Variants in TCF7L2 observed in about 807,000 individuals in gnomAD.
TCF7L2 encodes the protein transcription factor 7 like 2.
A neutral mutation model predicts 77.9 loss-of-function variants in TCF7L2; 23 were observed. The ratio of observed to expected loss-of-function variants is 0.30; its 90% confidence interval spans 0.21 to 0.42. The LOEUF is 0.42. TCF7L2 is among the 10% of genes least tolerant of loss of function. The probability of loss-of-function intolerance (pLI) is 1.00; values close to 1 mark genes in which losing one functional copy is unlikely to be tolerated. For missense variants in TCF7L2, 654 were observed against 793.1 expected (o/e 0.82, Z 2.11); for synonymous variants, 413 against 340.2 (o/e 1.21, Z -2.36).
At chr10:113,112,264 G>A (rs1300705549) in intron 5 of TCF7L2, among the ~76,000 whole-genome samples, 6 of 152,232 alleles carry the variant, frequency 3.9e-5, no homozygotes, top group Admixed American at 2.0e-4. Context: ...ATGTTTACAA[G>A]GAGCTTAGGA....
At chr10:112,959,046 C>G (rs1390360049) in intron 3 of TCF7L2, among the ~76,000 whole-genome samples, 1 of 152,152 alleles carries the variant, frequency 6.6e-6, no homozygotes, top group African/African-American at 2.4e-5. Flanking sequence ...ACTTGATTCA[C>G]TTTATTTTTT....
chr10:113,124,574 A>T (rs1194438644), intron 5 of TCF7L2, among the ~76,000 whole-genome samples: 1 of 152,186 alleles, frequency 6.6e-6, no homozygotes, highest in Non-Finnish European at 1.5e-5. Context: ...CTATGTATGC[A>T]TATATGTATA....
chr10:113,116,594 T>C (rs542477856), intron 5 of TCF7L2, among the ~76,000 whole-genome samples: 1 of 152,318 alleles, frequency 6.6e-6, no homozygotes, highest in South Asian at 2.1e-4. Flanking sequence ...TCGTTGTTTA[T>C]AAGATTACAA....
At chr10:112,983,036 T>C (rs1413092097) in intron 4 of TCF7L2, among the ~76,000 whole-genome samples, 1 of 151,866 alleles carries the variant, frequency 6.6e-6, no homozygotes, top group East Asian at 1.9e-4. Context: ...CTTATAATTA[T>C]TATTTAGCTT....
At chr10:113,021,787 C>A (rs141749294) in intron 4 of TCF7L2, among the ~76,000 whole-genome samples, 107 of 152,326 alleles carry the variant, frequency 7.0e-4, no homozygotes, top group African/African-American at 2.6e-3. Flanking sequence ...TTGTTGACAG[C>A]GTGGACTTTT....
chr10:113,136,792 T>C, intron 5 of TCF7L2, among the ~76,000 whole-genome samples: 1 of 152,156 alleles, frequency 6.6e-6, no homozygotes, highest in East Asian at 1.9e-4. Context: ...TTCTGGAAGG[T>C]TGTCTATGTT....
intron 5 of TCF7L2, among the ~76,000 whole-genome samples, chr10:113,090,424 A>G (rs1221411676): frequency 1.3e-5 from 2 of 152,248 alleles, no homozygotes; most frequent in Non-Finnish European, 2.9e-5. Context: ...CAGTGCCTCC[A>G]GCAGGCAGAG....
At chr10:113,061,685 C>T (rs1052564499) in intron 5 of TCF7L2, among the ~76,000 whole-genome samples, 2 of 152,316 alleles carry the variant, frequency 1.3e-5, no homozygotes, top group Admixed American at 1.3e-4. Flanking sequence ...AATTAAGTGC[C>T]TGCTTTTTCT....
chr10:113,012,033 A>G (rs2046555981), intron 4 of TCF7L2, among the ~76,000 whole-genome samples: 1 of 152,126 alleles, frequency 6.6e-6, no homozygotes, highest in African/African-American at 2.4e-5. Context: ...GCCGTTGAGT[A>G]TTACTCCCTT....
chr10:113,053,265 C>T (rs757611416), intron 5 of TCF7L2, among the ~76,000 whole-genome samples: 1 of 152,140 alleles, frequency 6.6e-6, no homozygotes, highest in Non-Finnish European at 1.5e-5. Context: ...GGCTGAGACT[C>T]TAGGGGTGGC....
intron 5 of TCF7L2, among the ~76,000 whole-genome samples, chr10:113,136,695 G>C (rs1220287989): frequency 6.6e-6 from 1 of 152,312 alleles, no homozygotes; most frequent in East Asian, 1.9e-4. Context: ...AAAAGGGGGA[G>C]GGAATAAGTA....
intron 11 of TCF7L2, among the ~76,000 whole-genome samples, chr10:113,152,897 G>A (rs1028629): frequency 0.16 from 23,831 of 152,144 alleles, 2,048 homozygotes; most frequent in South Asian, 0.21. Flanking sequence ...GCCCTTTACC[G>A]TTAAGAAGGA....
chr10:112,956,021 T>C (rs1045674555), intron 3 of TCF7L2, among the ~76,000 whole-genome samples: 4 of 152,096 alleles, frequency 2.6e-5, no homozygotes, highest in African/African-American at 9.7e-5. Flanking sequence ...CAACTTCTCT[T>C]ACACACGTGC....
chr10:113,156,787 G>T (rs1047419654), intron 11 of TCF7L2, among the ~76,000 whole-genome samples: 2 of 152,236 alleles, frequency 1.3e-5, no homozygotes, highest in Non-Finnish European at 2.9e-5. Context: ...GAGCCTTGTG[G>T]TTGAGGGCTT....
chr10:112,973,612 T>C (rs886299629), intron 4 of TCF7L2, among the ~76,000 whole-genome samples: 10 of 152,124 alleles, frequency 6.6e-5, no homozygotes, highest in African/African-American at 1.9e-4. Flanking sequence ...ATTTTTGAGA[T>C]GGAGTCTCAC....
chr10:113,032,125 C>T lies in TCF7L2; in HGVS notation c.451-7900C>T, dbSNP rs74821333. Among the ~76,000 whole-genome samples, 740 of 152,262 alleles carry T rather than the reference C, an allele frequency of 4.9e-3. 8 individuals carry two copies. Among genetic ancestry groups the T allele is most frequent in the African/African-American group, 0.017 (698 of 41,558 alleles). Reference sequence around the variant, plus strand: ...CATACTTTTCCTGGGAGTACGCACTCGTAATTTGAAGAGCGACTTTTGGGA... The same window carrying T: ...CATACTTTTCCTGGGAGTACGCACTTGTAATTTGAAGAGCGACTTTTGGGA... On this transcript the variant is annotated intron_variant, in intron 4 of 13. Transcript: ENST00000627217.
chr10:113,157,327 A>G (rs1374267072), intron 11 of TCF7L2, among the ~76,000 whole-genome samples: 2 of 152,202 alleles, frequency 1.3e-5, no homozygotes, highest in Non-Finnish European at 2.9e-5. Context: ...CACGTTGGCC[A>G]GGCTGGTCTT....
At chr10:113,010,310 C>A (rs1590365765) in intron 4 of TCF7L2, among the ~76,000 whole-genome samples, 1 of 152,214 alleles carries the variant, frequency 6.6e-6, no homozygotes, top group Admixed American at 6.5e-5. Context: ...AGTGGTTCCC[C>A]CAATGTGCTG....
chr10:113,012,595 T>G (rs2046641778), intron 4 of TCF7L2, among the ~76,000 whole-genome samples: 1 of 152,130 alleles, frequency 6.6e-6, no homozygotes, highest in Non-Finnish European at 1.5e-5. Flanking sequence ...AAAACTGAAA[T>G]GTCTCTGCTC....
Sources: allele counts gnomAD v4.1 joint callset (sites outside exome capture counted in the v4.1 genomes callset), GRCh38; gene constraint gnomAD v4.1.1; transcripts MANE v1.5; gene names NCBI Gene and HGNC (gene_info 2026-07-23, HGNC 2026-07-21).